CHST11: variants seen among roughly 807,000 people sequenced by gnomAD.
CHST11 encodes the protein C4S-1.
In CHST11, 9 loss-of-function variants were observed where a neutral mutation model predicts 30.4. That is an observed-to-expected ratio of 0.30 (90% CI 0.18 to 0.52). The LOEUF is 0.52. Among genes scored for constraint, CHST11 ranks in the 20% least tolerant of loss-of-function variants. The pLI, the probability that CHST11 is intolerant of heterozygous loss-of-function variation, is 0.97. For missense variants in CHST11, 348 were observed against 460.6 expected (o/e 0.76, Z 2.24); for synonymous variants, 152 against 187.8 (o/e 0.81, Z 1.56).
intron 1 of CHST11, among the ~76,000 whole-genome samples, chr12:104,476,290 CAT>C (rs1349541527): frequency 8.0e-5 from 12 of 149,964 alleles, no homozygotes; most frequent in East Asian, 1.9e-4. Context: ...AGTATATACA[CAT>C]ATGTGAATAA....
At chr12:104,515,464 G>C (rs2038013587) in intron 1 of CHST11, among the ~76,000 whole-genome samples, 1 of 152,154 alleles carries the variant, frequency 6.6e-6, no homozygotes, top group African/African-American at 2.4e-5. Context: ...GAAAGCTAAG[G>C]CTCTCAAATT....
At chr12:104,754,477 A>G (rs745792263) in intron 2 of CHST11, among the ~76,000 whole-genome samples, 9 of 152,158 alleles carry the variant, frequency 5.9e-5, no homozygotes, top group Non-Finnish European at 1.0e-4. Flanking sequence ...AGGAGGCTGG[A>G]CAGGTCTTTC....
intron 1 of CHST11, among the ~76,000 whole-genome samples, chr12:104,468,321 G>A (rs1444790423): frequency 6.6e-6 from 1 of 152,108 alleles, no homozygotes; most frequent in Non-Finnish European, 1.5e-5. Context: ...CTTGGGTCAG[G>A]CATTGAATAT....
chr12:104,596,334 C>T (rs899101517), intron 1 of CHST11, among the ~76,000 whole-genome samples: 1 of 152,146 alleles, frequency 6.6e-6, no homozygotes, highest in African/African-American at 2.4e-5. Context: ...TTAGCAAGTC[C>T]GGAGATTTGG....
At chr12:104,735,809 G>A (rs2040295639) in intron 2 of CHST11, among the ~76,000 whole-genome samples, 1 of 152,220 alleles carries the variant, frequency 6.6e-6, no homozygotes, top group Non-Finnish European at 1.5e-5. Context: ...ATGGAAGGCA[G>A]TGGGGACTCG....
chr12:104,625,792 CCT>C (rs1348271794), intron 2 of CHST11, among the ~76,000 whole-genome samples: 1 of 152,114 alleles, frequency 6.6e-6, no homozygotes. Flanking sequence ...CATTTTCTTC[CCT>C]GTCTTCTTTT....
chr12:104,548,857 T>C (rs898082496), intron 1 of CHST11, among the ~76,000 whole-genome samples: 10 of 152,220 alleles, frequency 6.6e-5, no homozygotes, highest in African/African-American at 2.2e-4. Context: ...ACAAGACCTT[T>C]CAAGTAGAAT....
intron 2 of CHST11, among the ~76,000 whole-genome samples, chr12:104,626,018 A>G (rs1418797578): frequency 1.3e-5 from 2 of 152,188 alleles, no homozygotes; most frequent in Non-Finnish European, 2.9e-5. Flanking sequence ...TTCTTTTCAA[A>G]TGAGGAAATC....
Position 104,739,564 on chromosome 12 carries a change from C to T in CHST11, c.205-17385C>T, listed in dbSNP as rs140221394. Among the ~76,000 whole-genome samples the T allele has an allele frequency of 6.8e-3, 1,039 of 152,318 alleles. 7 individuals carry two copies. Among genetic ancestry groups the T allele is most frequent in the African/African-American group, 0.024 (980 of 41,558 alleles). ...ATTTTAAGCCCAGGCTGTCTGGCTG[C>T]AGAGCCTGTGTTCTGAACCACTCTG... is the stretch of plus-strand genomic sequence containing the variant. On this transcript the variant is annotated intron_variant, in intron 2 of 2. Coordinates refer to ENST00000303694, the MANE Select transcript of CHST11 (RefSeq NM_018413.6).
chr12:104,567,940 G>A (rs889400183), intron 1 of CHST11, among the ~76,000 whole-genome samples: 1 of 152,184 alleles, frequency 6.6e-6, no homozygotes, highest in Non-Finnish European at 1.5e-5. Flanking sequence ...CTATTGCTTT[G>A]ATCTTGGACT....
chr12:104,571,686 A>G (rs1249508744), intron 1 of CHST11, among the ~76,000 whole-genome samples: 1 of 152,122 alleles, frequency 6.6e-6, no homozygotes, highest in South Asian at 2.1e-4. Context: ...GGACCGTATC[A>G]CCTCTCATCA....
At chr12:104,457,580 C>T (rs368946883) in intron 1 of CHST11, 51 bp downstream of exon 1, 3 of 1,277,946 alleles carry the variant, frequency 2.3e-6, no homozygotes, top group Non-Finnish European at 3.4e-6. Context: ...CTCTCTCGCG[C>T]TCTAGCTCGC....
chr12:104,681,264 A>G (rs1476406244), intron 2 of CHST11, among the ~76,000 whole-genome samples: 1 of 152,266 alleles, frequency 6.6e-6, no homozygotes, highest in African/African-American at 2.4e-5. Context: ...ATCAATAAAA[A>G]GGAATGCAGT....
intron 1 of CHST11, among the ~76,000 whole-genome samples, chr12:104,488,447 G>GTA (rs1267788526): frequency 6.6e-6 from 1 of 151,928 alleles, no homozygotes; most frequent in East Asian, 1.9e-4. Context: ...ATGTATGTAT[G>GTA]TGTGTATATG....
At chr12:104,479,064 A>G (rs1424737124) in intron 1 of CHST11, among the ~76,000 whole-genome samples, 2 of 152,114 alleles carry the variant, frequency 1.3e-5, no homozygotes, top group Non-Finnish European at 2.9e-5. Context: ...GCATTTCCAA[A>G]CTTGCCTCAG....
chr12:104,589,718 G>A (rs1344025547), intron 1 of CHST11, among the ~76,000 whole-genome samples: 2 of 152,094 alleles, frequency 1.3e-5, no homozygotes, highest in East Asian at 1.9e-4. Context: ...ATGCTTTTTC[G>A]GTTTGGCCTC....
chr12:104,670,559 A>C (rs955888649), intron 2 of CHST11, among the ~76,000 whole-genome samples: 1 of 151,522 alleles, frequency 6.6e-6, no homozygotes, highest in African/African-American at 2.4e-5. Context: ...ACTCCCACAC[A>C]TACACACCCA....
intron 2 of CHST11, among the ~76,000 whole-genome samples, chr12:104,698,372 C>T (rs749920405): frequency 6.6e-6 from 1 of 152,196 alleles, no homozygotes; most frequent in Admixed American, 6.5e-5. Context: ...GAAACACTTT[C>T]CTGTCACCTA....
At chr12:104,462,555 T>G (rs570967718) in intron 1 of CHST11, among the ~76,000 whole-genome samples, 12 of 152,296 alleles carry the variant, frequency 7.9e-5, no homozygotes, top group African/African-American at 2.9e-4. Flanking sequence ...TTGCACAAAT[T>G]TAATGTTACG....
Sources: allele counts gnomAD v4.1 joint callset (sites outside exome capture counted in the v4.1 genomes callset), GRCh38; gene constraint gnomAD v4.1.1; transcripts MANE v1.5; gene names NCBI Gene and HGNC (gene_info 2026-07-23, HGNC 2026-07-21).